The following ADAMTSL1 variants were observed in gnomAD, a reference collection of about 807,000 sequenced individuals.
ADAMTSL1 encodes the protein ADAMTS-like protein 1.
A neutral mutation model predicts 201.8 loss-of-function variants in ADAMTSL1; 126 were observed. That is an observed-to-expected ratio of 0.62 (90% confidence interval 0.54 to 0.72). The LOEUF is 0.72. Among genes scored for constraint, ADAMTSL1 ranks in the 30% least tolerant of loss-of-function variants. The pLI is 0.00. For synonymous variants in ADAMTSL1, 1,121 were observed against 903.4 expected, an observed-to-expected ratio of 1.24 and a Z score of -4.32; for missense variants, 2,679 against 2,277.8, an observed-to-expected ratio of 1.18 and a Z score of -3.59.
intron 19 of ADAMTSL1, among the ~76,000 whole-genome samples, chr9:18,781,964 T>C (rs968976400): frequency 2.0e-5 from 3 of 152,254 alleles, no homozygotes; most frequent in African/African-American, 7.2e-5. Flanking sequence ...TTATATAACT[T>C]ACTAGTTGAA....
chr9:18,647,880 A>T (rs901388660), intron 7 of ADAMTSL1, among the ~76,000 whole-genome samples: 1 of 150,656 alleles, frequency 6.6e-6, no homozygotes, highest in South Asian at 2.1e-4. Flanking sequence ...TGGGGTGGAG[A>T]GTTCTGTAGA....
Position 18,053,969 on chromosome 9 carries a change from C to G in ADAMTSL1, c.88-109893C>G, listed in dbSNP as rs1822056816. ...CAACGTTTTGATGGTGTTAAAAGTA[C>G]AGAGTGATGACGTACTGCTTCTCTT... On this transcript the variant is annotated intron_variant, in intron 1 of 29. Transcript: ENST00000680146. Among the ~76,000 whole-genome samples, 4 of 151,992 alleles carry G rather than the reference C, an allele frequency of 2.6e-5. No homozygotes were observed. In the South Asian group the frequency reaches 8.3e-4, roughly 31 times the overall value.
intron 1 of ADAMTSL1, among the ~76,000 whole-genome samples, chr9:17,997,838 T>C (rs1563940805): frequency 6.6e-6 from 1 of 152,050 alleles, no homozygotes; most frequent in Non-Finnish European, 1.5e-5. Context: ...ATCACCTCTT[T>C]CTTACTGATC....
At chr9:18,395,913 C>A (rs1817735415) in intron 2 of ADAMTSL1, among the ~76,000 whole-genome samples, 1 of 152,114 alleles carries the variant, frequency 6.6e-6, no homozygotes, top group South Asian at 2.1e-4. Context: ...GTACAAGACC[C>A]CTATATGTTG....
intron 2 of ADAMTSL1, among the ~76,000 whole-genome samples, chr9:18,200,608 T>C (rs1563803740): frequency 6.6e-6 from 1 of 152,042 alleles, no homozygotes; most frequent in Non-Finnish European, 1.5e-5. Context: ...GCCATAATTG[T>C]TTACTGAGGT....
At chr9:18,310,368 G>GAAAAAAAAAAAAAAAAA (rs1834086193) in intron 2 of ADAMTSL1, among the ~76,000 whole-genome samples, 1 of 5,768 alleles carries the variant, frequency 1.7e-4, no homozygotes, top group Admixed American at 3.0e-3. Flanking sequence ...CTTCTGCATA[G>GAAAAAAAAAAAAAAAAA]CAAAAAAAAA....
intron 1 of ADAMTSL1, among the ~76,000 whole-genome samples, chr9:18,156,897 T>G (rs112694060): frequency 0.017 from 2,514 of 152,172 alleles, 80 homozygotes; most frequent in African/African-American, 0.057. Flanking sequence ...TGGGGTATAA[T>G]ATGTTTTTAA....
At chr9:18,893,314 A>G (rs1485530653) in intron 26 of ADAMTSL1, among the ~76,000 whole-genome samples, 1 of 152,102 alleles carries the variant, frequency 6.6e-6, no homozygotes, top group Non-Finnish European at 1.5e-5. Flanking sequence ...TACAAATGAC[A>G]GATGTTTCTG....
chr9:18,651,056 G>A (rs529848837), intron 7 of ADAMTSL1: 1 of 152,308 alleles, frequency 6.6e-6, no homozygotes, highest in African/African-American at 2.4e-5. Flanking sequence ...ACAACAGCAG[G>A]AAGCTGCTTT....
At chr9:18,254,630 T>C (rs1019860743) in intron 2 of ADAMTSL1, among the ~76,000 whole-genome samples, 26 of 151,770 alleles carry the variant, frequency 1.7e-4, no homozygotes, top group Middle Eastern at 3.4e-3. Context: ...CCCAAAGTGC[T>C]GGGATTACAG....
At chr9:18,093,574 A>T (rs1445076453) in intron 1 of ADAMTSL1, among the ~76,000 whole-genome samples, 1 of 152,220 alleles carries the variant, frequency 6.6e-6, no homozygotes, top group East Asian at 1.9e-4. Context: ...TCCTCATATC[A>T]GTAAGCTGAG....
At chr9:18,239,707 C>T (rs1161283560) in intron 2 of ADAMTSL1, among the ~76,000 whole-genome samples, 1 of 151,912 alleles carries the variant, frequency 6.6e-6, no homozygotes, top group Non-Finnish European at 1.5e-5. Flanking sequence ...GAGATCATGC[C>T]ACCGCACTCC....
intron 2 of ADAMTSL1, among the ~76,000 whole-genome samples, chr9:18,278,491 G>A (rs945689321): frequency 2.0e-5 from 3 of 152,000 alleles, no homozygotes; most frequent in African/African-American, 7.3e-5. Context: ...TCTCTCCTGG[G>A]CACCAATGTT....
chr9:18,360,601 G>T (rs545549600), intron 2 of ADAMTSL1: 1 of 152,278 alleles, frequency 6.6e-6, no homozygotes, highest in Non-Finnish European at 1.5e-5. Flanking sequence ...AGGGGAGGCT[G>T]TTACTGGTTA....
intron 3 of ADAMTSL1, among the ~76,000 whole-genome samples, chr9:18,555,867 C>T (rs182491025): frequency 9.2e-4 from 140 of 152,040 alleles, no homozygotes; most frequent in Non-Finnish European, 1.7e-3. Flanking sequence ...ACAGGCAAAG[C>T]TGGGTCAGCT....
chr9:18,079,829 G>A (rs911703025), intron 1 of ADAMTSL1, among the ~76,000 whole-genome samples: 27 of 152,094 alleles, frequency 1.8e-4, no homozygotes, highest in African/African-American at 6.3e-4. Flanking sequence ...AGGCACATGA[G>A]GTTGGAAGTG....
chr9:18,311,555 C>G (rs894360793), intron 2 of ADAMTSL1, among the ~76,000 whole-genome samples: 7 of 152,220 alleles, frequency 4.6e-5, no homozygotes, highest in Non-Finnish European at 7.4e-5. Flanking sequence ...ACTGTAGGTG[C>G]TTCCCTAGGC....
intron 1 of ADAMTSL1, among the ~76,000 whole-genome samples, chr9:18,475,805 C>G (rs906293695): frequency 1.3e-5 from 2 of 151,952 alleles, no homozygotes; most frequent in Non-Finnish European, 2.9e-5. Context: ...AAGCAAATTA[C>G]CAGTATACAT....
chr9:18,532,097 T>C (rs1819479468), intron 2 of ADAMTSL1, among the ~76,000 whole-genome samples: 1 of 152,216 alleles, frequency 6.6e-6, no homozygotes, highest in Admixed American at 6.5e-5. Flanking sequence ...CAGGATTTTG[T>C]AGTGTATCTT....
Sources: allele counts gnomAD v4.1 joint callset (sites outside exome capture counted in the v4.1 genomes callset), GRCh38; gene constraint gnomAD v4.1.1; transcripts MANE v1.5; gene names NCBI Gene and HGNC (gene_info 2026-07-23, HGNC 2026-07-21).